NAMPT: variants seen among roughly 807,000 people sequenced by gnomAD.
NAMPT encodes the protein NAmPRTase.
In NAMPT, 7 loss-of-function variants were observed where a neutral mutation model predicts 58.7. That is an observed-to-expected ratio of 0.12 (90% confidence interval 0.07 to 0.22). The LOEUF (loss-of-function observed/expected upper bound fraction) is 0.22. NAMPT is among the 10% of genes least tolerant of loss of function. NAMPT has a pLI of 1.00. For synonymous variants in NAMPT, 145 were observed against 198.1 expected (o/e 0.73, Z 2.25); for missense variants, 271 against 567.9 (o/e 0.48, Z 5.31).
intron 9 of NAMPT, 120 bp from the exon 10 acceptor site, chr7:106,253,271 A>G (rs1586009903): frequency 1.0e-6 from 1 of 1,001,100 alleles, no homozygotes; most frequent in Non-Finnish European, 1.5e-6. Context: ...CTTAATAGGT[A>G]TAACTGAACC....
intron 6 of NAMPT, among the ~76,000 whole-genome samples, chr7:106,266,886 T>G (rs573535527): frequency 6.6e-6 from 1 of 152,354 alleles, no homozygotes; most frequent in South Asian, 2.1e-4. Flanking sequence ...GCTAGCATGA[T>G]GTGCACATAG....
intron 6 of NAMPT, 52 bp from the exon 7 acceptor site, chr7:106,263,669 C>A: frequency 7.7e-7 from 1 of 1,303,756 alleles, no homozygotes; most frequent in South Asian, 1.2e-5. Context: ...CTTGATCTAT[C>A]CCTGAATCAC....
chr7:106,268,633 C>G, intron 5 of NAMPT, 33 bp from the exon 6 acceptor site: 1 of 1,528,614 alleles, frequency 6.5e-7, no homozygotes, highest in Non-Finnish European at 9.1e-7. Context: ...AAATCCAAAA[C>G]AGAAAGAAAC....
chr7:106,260,202 CA>C (rs1187067393), intron 8 of NAMPT, among the ~76,000 whole-genome samples: 2 of 152,244 alleles, frequency 1.3e-5, no homozygotes, highest in African/African-American at 4.8e-5. Flanking sequence ...TCTACACTGA[CA>C]ATCTGTTTAG....
intron 2 of NAMPT, 177 bp downstream of exon 2, chr7:106,276,846 A>G (rs928986771): frequency 3.6e-5 from 20 of 555,802 alleles, no homozygotes; most frequent in Non-Finnish European, 5.6e-5. Flanking sequence ...CGGTTTCCAA[A>G]AAAAAAAAAA....
At chr7:106,256,155 T>C (rs1204136297) in intron 8 of NAMPT, among the ~76,000 whole-genome samples, 1 of 152,160 alleles carries the variant, frequency 6.6e-6, no homozygotes, top group African/African-American at 2.4e-5. Flanking sequence ...AATAAATCAC[T>C]CCAATAGAAG....
At chr7:106,283,847 GA>G (rs368935462) in intron 1 of NAMPT, among the ~76,000 whole-genome samples, 30 of 150,152 alleles carry the variant, frequency 2.0e-4, no homozygotes, top group African/African-American at 6.1e-4. Flanking sequence ...AAAAACAAAG[GA>G]AAAAAAAAGA....
chr7:106,283,812 T>G (rs952469464), intron 1 of NAMPT, among the ~76,000 whole-genome samples: 2 of 152,148 alleles, frequency 1.3e-5, no homozygotes, highest in African/African-American at 4.8e-5. Context: ...TCTAAAATAC[T>G]TTCTCGGAAT....
At position 106,259,489 on chromosome 7, in the gene NAMPT, G is replaced by A. The variant is rs150345625; in HGVS notation, c.1089+2099C>T. Among the ~76,000 whole-genome samples, 387 of 152,168 alleles carry A rather than the reference G, an allele frequency of 2.5e-3. 1 individual carries two copies. The highest frequency in any genetic ancestry group is 8.9e-3 in the African/African-American group (368 of 41,518). ...GTTGCCCAGGCTGGAGTGCAGTGGC[G>A]TGATCTTGGCACACTACAGCCTCTG... On this transcript the variant is annotated intron_variant, in intron 8 of 10. Transcript: ENST00000222553.
At chr7:106,275,549 T>A (rs1472628018) in intron 2 of NAMPT, 1 of 152,594 alleles carries the variant, frequency 6.6e-6, no homozygotes, top group Non-Finnish European at 1.5e-5. Context: ...ACTTATATGA[T>A]GTTTGTGAGG....
In NAMPT at chr7:106,263,458, T is replaced by G. The variant is rs2302559; in HGVS notation, c.903A>C (p.Ser301=). The G allele has an allele frequency of 3.1e-5, 50 of 1,594,010 alleles. No homozygotes were observed. The highest frequency in any genetic ancestry group is 4.0e-5 in the Non-Finnish European group (46 of 1,162,940). The change falls in exon 7 of 11, where the codon TCA becomes TCC. Residue 301 remains serine (S), a synonymous_variant. Transcript: ENST00000222553. The part of the protein sequence containing the change: ...WGEDLRHLIV[S]RSTQAPLIIR... ...TTATTAGTGGTGCCTGTGTACTTCT[T>G]GATACTATTAAATGTCTTAGATCTT... is the stretch of plus-strand genomic sequence containing the variant.
chr7:106,277,104 C>T lies in NAMPT; in HGVS notation c.133G>A (p.Glu45Lys). Residue 45 changes from glutamate to lysine, a missense_variant, in exon 2 of 11, where the codon GAA becomes AAA. Coordinates refer to ENST00000222553, the MANE Select transcript of NAMPT (RefSeq NM_005746.3). ...SYFECREKKT[E>K]NSKLRKVKYE... Reference sequence around the variant, plus strand: ...TTCACCTTCCTTAATTTGGAGTTTTCTGTCTTCTTTTCACGGCATTCAAAG... The same window carrying T: ...TTCACCTTCCTTAATTTGGAGTTTTTTGTCTTCTTTTCACGGCATTCAAAG... 6.2e-7 allele frequency: 1 copy of T among 1,609,328 alleles called. No homozygotes were observed. The highest frequency in any genetic ancestry group is 8.5e-7 in the Non-Finnish European group (1 of 1,175,900).
chr7:106,285,554 C>T (rs948833133), upstream of NAMPT: 2 of 986,012 alleles, frequency 2.0e-6, no homozygotes, highest in African/African-American at 1.7e-5. Flanking sequence ...TGTCTCCGGC[C>T]TGGATTAAGG....
intron 8 of NAMPT, 40 bp downstream of exon 8, chr7:106,261,548 A>G: frequency 2.8e-6 from 4 of 1,413,804 alleles, no homozygotes; most frequent in Non-Finnish European, 3.9e-6. Flanking sequence ...ACTTAATTAT[A>G]AGAAATGCCT....
At chr7:106,271,700 C>T (rs984662107) in intron 4 of NAMPT, among the ~76,000 whole-genome samples, 6 of 151,934 alleles carry the variant, frequency 3.9e-5, no homozygotes, top group African/African-American at 9.7e-5. Flanking sequence ...TCTTATATTT[C>T]GATGTTTTCC....
At chr7:106,272,374 G>T in intron 4 of NAMPT, 156 bp downstream of exon 4, 1 of 581,128 alleles carries the variant, frequency 1.7e-6, no homozygotes, top group Non-Finnish European at 2.9e-6. Flanking sequence ...AGATTATTTA[G>T]TCTGTCATTT....
chr7:106,285,071 G>A (rs1792846108), upstream of NAMPT: 31 of 1,356,160 alleles, frequency 2.3e-5, no homozygotes, highest in African/African-American at 6.0e-5. Context: ...GACGCGGCGC[G>A]GGTGACGGCT....
At chr7:106,266,333 T>C (rs1218810777) in intron 6 of NAMPT, among the ~76,000 whole-genome samples, 2 of 152,236 alleles carry the variant, frequency 1.3e-5, no homozygotes, top group Non-Finnish European at 2.9e-5. Flanking sequence ...GAAGATATTA[T>C]CCTTGTCCTC....
At chr7:106,269,358 C>T in intron 4 of NAMPT, 46 bp from the exon 5 acceptor site, 2 of 1,509,908 alleles carry the variant, frequency 1.3e-6, no homozygotes, top group South Asian at 1.2e-5. Context: ...TAAAATACTG[C>T]ATTCTTTCTG....
Sources: gnomAD v4.1 joint callset for allele counts (sites outside exome capture counted in the v4.1 genomes callset) on GRCh38, gnomAD v4.1.1 for gene constraint, MANE v1.5 for transcripts, NCBI Gene and HGNC (gene_info 2026-07-23, HGNC 2026-07-21) for gene names.